Variants in ZNF804B observed in about 807,000 individuals in gnomAD.
ZNF804B encodes the protein zinc finger 804B.
ZNF804B carries 80 observed loss-of-function variants against 101.4 expected under a neutral mutation model. The observed-to-expected ratio is 0.79, with a 90% confidence interval of 0.66 to 0.95. The LOEUF is 0.95. Among genes scored for constraint, ZNF804B ranks in the 40% least tolerant of loss-of-function variants. ZNF804B has a pLI of 0.00. For synonymous variants in ZNF804B, 622 were observed against 558.8 expected (o/e 1.11, Z -1.59); for missense variants, 1,673 against 1,561.9 (o/e 1.07, Z -1.20).
At chr7:89,042,785 G>C (rs961845550) in intron 1 of ZNF804B, among the ~76,000 whole-genome samples, 1 of 152,128 alleles carries the variant, frequency 6.6e-6, no homozygotes, top group African/African-American at 2.4e-5. Flanking sequence ...GTTTCTGAAT[G>C]AGTTTAATCC....
intron 2 of ZNF804B, among the ~76,000 whole-genome samples, chr7:89,309,236 A>T (rs1383416347): frequency 6.6e-6 from 1 of 152,118 alleles, no homozygotes; most frequent in Non-Finnish European, 1.5e-5. Context: ...TGAAAACAGA[A>T]CATGTGGTAT....
intron 1 of ZNF804B, among the ~76,000 whole-genome samples, chr7:89,092,328 A>G (rs1046110405): frequency 2.0e-5 from 3 of 151,822 alleles, no homozygotes; most frequent in Admixed American, 2.0e-4. Flanking sequence ...TTTTGGGGGA[A>G]CACACATTCA....
At chr7:89,103,152 C>G (rs1302644393) in intron 1 of ZNF804B, among the ~76,000 whole-genome samples, 1 of 133,302 alleles carries the variant, frequency 7.5e-6, no homozygotes, top group Non-Finnish European at 1.5e-5. Context: ...GCAATGTCTC[C>G]AGAATTGTTC....
intron 1 of ZNF804B, among the ~76,000 whole-genome samples, chr7:88,942,975 A>T (rs1034553760): frequency 6.6e-6 from 1 of 151,936 alleles, no homozygotes; most frequent in Non-Finnish European, 1.5e-5. Context: ...CCCAAAGAAC[A>T]GAAAAACAGT....
At chr7:88,859,926 A>G (rs985698304) in intron 1 of ZNF804B, among the ~76,000 whole-genome samples, 2 of 151,888 alleles carry the variant, frequency 1.3e-5, no homozygotes, top group East Asian at 3.8e-4. Flanking sequence ...TTCAAAAAGA[A>G]TAAAGTTATG....
intron 2 of ZNF804B, among the ~76,000 whole-genome samples, chr7:89,256,727 T>G (rs935149257): frequency 2.0e-5 from 3 of 152,064 alleles, no homozygotes; most frequent in Non-Finnish European, 4.4e-5. Flanking sequence ...AAACAACACA[T>G]CTAGGCTTGC....
intron 1 of ZNF804B, among the ~76,000 whole-genome samples, chr7:88,981,721 G>A (rs1257784629): frequency 2.6e-5 from 4 of 151,958 alleles, no homozygotes; most frequent in African/African-American, 7.2e-5. Context: ...CTCCATGGAC[G>A]CCACCTGAAT....
At position 88,925,284 on chromosome 7, in the gene ZNF804B, G is replaced by A. The variant is rs935190441; in HGVS notation, c.108+165200G>A. 4.6e-5 allele frequency among the ~76,000 whole-genome samples: 7 copies of A among 152,162 alleles called. No individual in the cohort carries two copies. In the South Asian group the frequency reaches 6.2e-4, roughly 14 times the overall value. ...TCAGGCCCTGTGCCACTGCCGAGGC[G>A]ACTGCTGCTTCCTACCTGTTGTAGG... On this transcript the variant is annotated intron_variant, in intron 1 of 3. Coordinates refer to ENST00000333190, the MANE Select transcript of ZNF804B (RefSeq NM_181646.5).
intron 1 of ZNF804B, among the ~76,000 whole-genome samples, chr7:88,899,969 T>G (rs1792363805): frequency 6.6e-6 from 1 of 152,174 alleles, no homozygotes; most frequent in Non-Finnish European, 1.5e-5. Context: ...GAGTTTTACT[T>G]GACAAAAGGT....
rs562806278 is a variant in ZNF804B, at chr7:89,063,540, G to A, written c.109-154615G>A. On this transcript the variant is annotated intron_variant, in intron 1 of 3. Transcript: ENST00000333190. The stretch of plus-strand genomic sequence containing the variant: ...ATGCCATTCAGTTAATTATTAGAGA[G>A]AGAAACTGGTAGTAATCAAGGTGGG... 2.3e-4 allele frequency among the ~76,000 whole-genome samples: 35 copies of A among 152,206 alleles called. No individual in the cohort carries two copies. In the South Asian group the frequency reaches 4.3e-3, roughly 19 times the overall value.
intron 2 of ZNF804B, among the ~76,000 whole-genome samples, chr7:89,315,791 G>A (rs1373593976): frequency 1.3e-5 from 2 of 151,984 alleles, no homozygotes; most frequent in African/African-American, 2.4e-5. Flanking sequence ...AAAGTCAGAA[G>A]ACTTACCAAT....
intron 1 of ZNF804B, among the ~76,000 whole-genome samples, chr7:89,198,957 A>T (rs1788593311): frequency 2.6e-5 from 4 of 151,892 alleles, no homozygotes. Context: ...TGGAGCCATA[A>T]GGAGTTTAGA....
chr7:88,848,427 A>T (rs1791406458), intron 1 of ZNF804B, among the ~76,000 whole-genome samples: 1 of 152,176 alleles, frequency 6.6e-6, no homozygotes, highest in Non-Finnish European at 1.5e-5. Context: ...ATAGGTGTGA[A>T]TGGCACAGCT....
Position 89,334,951 on chromosome 7 carries a change from A to G in ZNF804B, c.1969A>G (p.Lys657Glu). The G allele has an allele frequency of 6.2e-7, 1 of 1,613,960 alleles. No individual in the cohort carries two copies. Among genetic ancestry groups the G allele is most frequent in the South Asian group, 1.1e-5 (1 of 91,086 alleles). ...TGAAGATGAAAGACAATTCAACTGC[A>G]AGTCCAGTCCTTGTACAGTAGGGGG... ...EFEDERQFNCKSSPCTVGGHS... is the reference protein window; with the variant it reads ...EFEDERQFNCESSPCTVGGHS... Residue 657 changes from lysine to glutamate, a missense_variant, in exon 4 of 4, where the codon AAG becomes GAG. By Grantham distance (56) the Lys-to-Glu change is moderately conservative (BLOSUM62 1). Coordinates refer to ENST00000333190, the MANE Select transcript of ZNF804B (RefSeq NM_181646.5).
chr7:89,200,209 C>A (rs1390596698), intron 1 of ZNF804B, among the ~76,000 whole-genome samples: 1 of 151,830 alleles, frequency 6.6e-6, no homozygotes, highest in African/African-American at 2.4e-5. Context: ...AACCCAAATG[C>A]TCTTTACTCT....
intron 1 of ZNF804B, among the ~76,000 whole-genome samples, chr7:88,866,860 A>G (rs983915599): frequency 4.6e-5 from 7 of 152,250 alleles, no homozygotes; most frequent in Non-Finnish European, 1.0e-4. Flanking sequence ...TTTATGACTT[A>G]GTACCAAAAT....
intron 2 of ZNF804B, among the ~76,000 whole-genome samples, chr7:89,319,268 ATAAT>A (rs969213442): frequency 6.4e-4 from 97 of 152,326 alleles, no homozygotes; most frequent in Non-Finnish European, 9.4e-4. Flanking sequence ...TCAAAAATAA[ATAAT>A]TAATTAATTA....
chr7:88,804,009 G>T (rs756748956), intron 1 of ZNF804B, among the ~76,000 whole-genome samples: 4 of 152,038 alleles, frequency 2.6e-5, no homozygotes, highest in African/African-American at 9.7e-5. Flanking sequence ...CAGGAGAAAC[G>T]TTTAAAAGTT....
intron 1 of ZNF804B, among the ~76,000 whole-genome samples, chr7:88,775,323 G>T (rs1009278998): frequency 6.6e-6 from 1 of 152,124 alleles, no homozygotes; most frequent in East Asian, 1.9e-4. Context: ...TTGGAGGTTG[G>T]CTCAGAGGCC....
Sources: allele counts gnomAD v4.1 joint callset (sites outside exome capture counted in the v4.1 genomes callset), GRCh38; gene constraint gnomAD v4.1.1; transcripts MANE v1.5; gene names NCBI Gene and HGNC (gene_info 2026-07-23, HGNC 2026-07-21).